The following GALNT18 variants were observed in gnomAD, a reference collection of about 807,000 sequenced individuals.
The protein encoded by GALNT18 is polypeptide N-acetylgalactosaminyltransferase 18, also known as GalNAc-transferase 18.
In GALNT18, 44 loss-of-function variants were observed where a neutral mutation model predicts 69.5. That is an observed-to-expected ratio of 0.63 (90% CI 0.50 to 0.81). The LOEUF is 0.81. Among genes scored for constraint, GALNT18 ranks in the 40% least tolerant of loss-of-function variants. The probability of loss-of-function intolerance (pLI) is 0.00; values close to 1 mark genes in which losing one functional copy is unlikely to be tolerated. For synonymous variants in GALNT18, 364 were observed against 318.2 expected, an observed-to-expected ratio of 1.14 and a Z score of -1.53; for missense variants, 715 against 810.0, an observed-to-expected ratio of 0.88 and a Z score of 1.42.
intron 1 of GALNT18, among the ~76,000 whole-genome samples, chr11:11,510,115 C>A (rs115797155): frequency 6.6e-6 from 1 of 152,180 alleles, no homozygotes; most frequent in Non-Finnish European, 1.5e-5. Context: ...CAAGGGAAGA[C>A]TCAGCTGCAG....
At chr11:11,283,910 A>C (rs1849138490) in intron 10 of GALNT18, among the ~76,000 whole-genome samples, 1 of 151,956 alleles carries the variant, frequency 6.6e-6, no homozygotes, top group Admixed American at 6.5e-5. Flanking sequence ...TTGAAGGCTA[A>C]TAATAATTCC....
chr11:11,285,360 C>A (rs1849173454), intron 10 of GALNT18, among the ~76,000 whole-genome samples: 1 of 152,128 alleles, frequency 6.6e-6, no homozygotes, highest in Non-Finnish European at 1.5e-5. Context: ...ATAGCGCTAT[C>A]ATAGGGATTA....
intron 6 of GALNT18, among the ~76,000 whole-genome samples, chr11:11,364,850 C>G (rs1415783665): frequency 6.6e-6 from 1 of 152,062 alleles, no homozygotes; most frequent in Non-Finnish European, 1.5e-5. Context: ...CTCAAAATAA[C>G]TAGAGTTAGG....
In GALNT18 at chr11:11,379,153, A is replaced by C; in HGVS notation, c.707T>G (p.Val236Gly). Residue 236 changes from valine (V) to glycine (G), a missense_variant, in exon 4 of 11, where the codon GTC becomes GGC. Val to Gly is a moderately radical substitution (Grantham distance 109). Coordinates refer to ENST00000227756, the MANE Select transcript of GALNT18 (RefSeq NM_198516.3). ...GGCAGTGGCCGCCCTCCAGCCACTG[A>C]CCCTGGAGCGGATGAGGCCTTCCTG... ...SKQEGLIRSR[V>G]SGWRAATAPV... 6.2e-7 allele frequency: 1 copy of C among 1,611,954 alleles called. No individual in the cohort carries two copies. The highest frequency in any genetic ancestry group is 1.1e-5 in the South Asian group (1 of 90,996).
In GALNT18 at chr11:11,497,553, G is replaced by A. The variant is rs1025329609; in HGVS notation, c.236-48617C>T. On this transcript the variant is annotated intron_variant, in intron 1 of 10. Coordinates refer to ENST00000227756, the MANE Select transcript of GALNT18 (RefSeq NM_198516.3). The surrounding 1 kb of genome is among the most constrained non-coding windows in gnomAD (Gnocchi z 4.2). The stretch of plus-strand genomic sequence containing the variant: ...TGAAAGAATACTCCAAAAGGTTCTC[G>A]TATGAATGAAATGAGATTATTATCT... Among the ~76,000 whole-genome samples the A allele has an allele frequency of 3.3e-5, 5 of 152,084 alleles. No individual in the cohort carries two copies. The highest frequency in any genetic ancestry group is 5.9e-5 in the Non-Finnish European group (4 of 68,008).
At chr11:11,544,035 G>A (rs147485619) in intron 1 of GALNT18, among the ~76,000 whole-genome samples, 58 of 152,310 alleles carry the variant, frequency 3.8e-4, no homozygotes, top group South Asian at 2.7e-3. Flanking sequence ...AGGCTTCCTC[G>A]TCAGCACTGA....
rs1853945652 is a variant in GALNT18, at chr11:11,382,551, G to GT, written c.596-3288dup. Among the ~76,000 whole-genome samples the GT allele has an allele frequency of 6.6e-6, 1 of 152,086 alleles. No homozygotes were observed. Among genetic ancestry groups the GT allele is most frequent in the African/African-American group, 2.4e-5 (1 of 41,400 alleles). ...ATTGTGTTTTTGGAGTTGAACTTGT[G>GT]TTTTTTCTTACAGCCAAACACAAGT... On this transcript the variant is annotated intron_variant, in intron 3 of 10. Transcript: ENST00000227756. The surrounding 1 kb of genome is among the most constrained non-coding windows in gnomAD (Gnocchi z 4.3).
Position 11,351,406 on chromosome 11 carries a change from T to C in GALNT18, c.1093-10402A>G, listed in dbSNP as rs560160078. Among the ~76,000 whole-genome samples the C allele has an allele frequency of 7.2e-4, 110 of 152,296 alleles. 1 individual carries two copies. Among genetic ancestry groups the C allele is most frequent in the African/African-American group, 2.6e-3 (109 of 41,568 alleles). On this transcript the variant is annotated intron_variant, in intron 6 of 10. Coordinates refer to ENST00000227756, the MANE Select transcript of GALNT18 (RefSeq NM_198516.3). ...GACAGAAGCCCTGTGGCAACTCCAC[T>C]TACGCAAGAGGGAGCCAGCTGGTGA...
At chr11:11,276,470 G>A (rs1430495611) in intron 10 of GALNT18, among the ~76,000 whole-genome samples, 2 of 152,094 alleles carry the variant, frequency 1.3e-5, no homozygotes, top group South Asian at 4.1e-4. Flanking sequence ...CATGTCATCT[G>A]CAAACAGAGG....
At position 11,382,290 on chromosome 11, in the gene GALNT18, G is replaced by C. The variant is rs1273370755; in HGVS notation, c.596-3026C>G. 6.6e-6 allele frequency among the ~76,000 whole-genome samples: 1 copy of C among 152,228 alleles called. No homozygotes were observed. Among genetic ancestry groups the C allele is most frequent in the Admixed American group, 6.5e-5 (1 of 15,286 alleles). ...AAGTACCCTAGATGATACTGGCTCTGTCTTTGCAAAGTACCTTTACTTAAT... is the reference window on the plus strand; with the variant it reads ...AAGTACCCTAGATGATACTGGCTCTCTCTTTGCAAAGTACCTTTACTTAAT... On this transcript the variant is annotated intron_variant, in intron 3 of 10. Transcript: ENST00000227756. The surrounding 1 kb of genome is among the most constrained non-coding windows in gnomAD (Gnocchi z 4.3).
chr11:11,617,580 C>T lies in GALNT18; in HGVS notation c.235+3779G>A, dbSNP rs1278819470. Among the ~76,000 whole-genome samples the T allele has an allele frequency of 6.6e-6, 1 of 152,084 alleles. No homozygotes were observed. The highest frequency in any genetic ancestry group is 1.5e-5 in the Non-Finnish European group (1 of 68,002). Reference sequence around the variant, plus strand: ...ATTTTGAAATATGGAGGCAAATGAACAAATCCAGAAGGAAATGCTCAAAAT... The same window carrying T: ...ATTTTGAAATATGGAGGCAAATGAATAAATCCAGAAGGAAATGCTCAAAAT... On this transcript the variant is annotated intron_variant, in intron 1 of 10. Transcript: ENST00000227756. The surrounding 1 kb of genome is among the most constrained non-coding windows in gnomAD (Gnocchi z 4.7).
intron 6 of GALNT18, among the ~76,000 whole-genome samples, chr11:11,365,584 A>C (rs1589941428): frequency 6.6e-6 from 1 of 152,174 alleles, no homozygotes; most frequent in East Asian, 1.9e-4. Flanking sequence ...TGTCTTCCAC[A>C]ATGGTTGAAC....
At position 11,470,508 on chromosome 11, in the gene GALNT18, G is replaced by A. The variant is rs1856245335; in HGVS notation, c.236-21572C>T. On this transcript the variant is annotated intron_variant, in intron 1 of 10. Coordinates refer to ENST00000227756, the MANE Select transcript of GALNT18 (RefSeq NM_198516.3). The surrounding 1 kb of genome is among the most constrained non-coding windows in gnomAD (Gnocchi z 4.8). ...AGTCGGCTAGGCAAGTGAGCATGCT[G>A]TAGACCCCATTATTCCTATGCTAGA... Among the ~76,000 whole-genome samples, 1 of 152,172 alleles carries A rather than the reference G, an allele frequency of 6.6e-6. No individual in the cohort carries two copies. The highest frequency in any genetic ancestry group is 2.4e-5 in the African/African-American group (1 of 41,426).
chr11:11,499,291 C>G (rs1856927892), intron 1 of GALNT18, among the ~76,000 whole-genome samples: 1 of 152,240 alleles, frequency 6.6e-6, no homozygotes, highest in Admixed American at 6.5e-5. Flanking sequence ...GACATCAAGT[C>G]AATGAGCCAT....
At chr11:11,504,888 A>G (rs775242755) in intron 1 of GALNT18, among the ~76,000 whole-genome samples, 4 of 152,184 alleles carry the variant, frequency 2.6e-5, no homozygotes, top group South Asian at 2.1e-4. Context: ...TCAGAGATGA[A>G]CCAAGTTCCT....
chr11:11,439,439 G>A lies in GALNT18; in HGVS notation c.429-6652C>T, dbSNP rs544658302. 3.4e-4 allele frequency among the ~76,000 whole-genome samples: 52 copies of A among 152,308 alleles called. No homozygotes were observed. Among genetic ancestry groups the A allele is most frequent in the African/African-American group, 1.1e-3 (46 of 41,578 alleles). ...TTGGTTCCTTGCTCCCTGAGAACAC[G>A]TACATAACCCAGTAGAGAAAGACCA... On this transcript the variant is annotated intron_variant, in intron 2 of 10. Coordinates refer to ENST00000227756, the MANE Select transcript of GALNT18 (RefSeq NM_198516.3). The surrounding 1 kb of genome is among the most constrained non-coding windows in gnomAD (Gnocchi z 4.4).
Position 11,543,021 on chromosome 11 carries a change from C to T in GALNT18, c.235+78338G>A, listed in dbSNP as rs1333395622. On this transcript the variant is annotated intron_variant, in intron 1 of 10. Transcript: ENST00000227756. This position sits in a 1 kb window ranked among gnomAD's most constrained non-coding sequence, Gnocchi z 5.1. ...AGAAAGAGTGAATGATATGACCTTC[C>T]TCAAGGTTGTTTCAGGCACTAAATG... Among the ~76,000 whole-genome samples the T allele has an allele frequency of 6.6e-6, 1 of 152,146 alleles. No homozygotes were observed. Among genetic ancestry groups the T allele is most frequent in the Admixed American group, 6.5e-5 (1 of 15,278 alleles).
chr11:11,501,896 C>T (rs1856979295), intron 1 of GALNT18, among the ~76,000 whole-genome samples: 1 of 152,202 alleles, frequency 6.6e-6, no homozygotes, highest in Admixed American at 6.5e-5. Context: ...AAGACACTTC[C>T]CTCTTGCAGC....
chr11:11,490,234 AACACAC>A (rs61477736), intron 1 of GALNT18, among the ~76,000 whole-genome samples: 5,805 of 125,148 alleles, frequency 0.046, 188 homozygotes, highest in East Asian at 0.16. Flanking sequence ...CTCTCTCTCT[AACACAC>A]ACACACACAC....
Sources: gnomAD v4.1 joint callset for allele counts (sites outside exome capture counted in the v4.1 genomes callset) on GRCh38, gnomAD v4.1.1 for gene constraint, Gnocchi (gnomAD v3.1) non-coding constraint, MANE v1.5 for transcripts, NCBI Gene and HGNC (gene_info 2026-07-23, HGNC 2026-07-21) for gene names.